The following LRRC49 variants were observed in gnomAD, a reference collection of about 807,000 sequenced individuals.
The protein encoded by LRRC49 is leucine-rich repeat-containing protein 49.
LRRC49 carries 50 observed loss-of-function variants against 83.3 expected under a neutral mutation model. The ratio of observed to expected loss-of-function variants is 0.60; its 90% confidence interval spans 0.48 to 0.76. LRRC49 has a LOEUF of 0.76. Ranked by LOEUF, LRRC49 falls within the 30% of genes least tolerant of loss-of-function variation. LRRC49 has a pLI of 0.00. For missense variants in LRRC49, 704 were observed against 809.1 expected, an observed-to-expected ratio of 0.87 and a Z score of 1.58; for synonymous variants, 286 against 283.3, an observed-to-expected ratio of 1.01 and a Z score of -0.10.
At chr15:70,984,879 G>A (rs2037544731) in intron 11 of LRRC49, among the ~76,000 whole-genome samples, 1 of 150,518 alleles carries the variant, frequency 6.6e-6, no homozygotes, top group Non-Finnish European at 1.5e-5. Flanking sequence ...AATACGCGGT[G>A]TTTGGTTTTC....
chr15:70,923,134 A>T (rs962761186), intron 7 of LRRC49, among the ~76,000 whole-genome samples: 2 of 151,738 alleles, frequency 1.3e-5, no homozygotes, highest in African/African-American at 4.8e-5. Flanking sequence ...TTTTACTGTG[A>T]TTTCTTTTTT....
At chr15:70,884,181 C>T (rs1042215001) in intron 2 of LRRC49, among the ~76,000 whole-genome samples, 4 of 152,042 alleles carry the variant, frequency 2.6e-5, no homozygotes, top group Admixed American at 2.6e-4. Flanking sequence ...CTTCAAACCA[C>T]TGAAAAAATA....
intron 8 of LRRC49, among the ~76,000 whole-genome samples, chr15:70,949,978 A>C (rs185369887): frequency 6.6e-6 from 1 of 152,108 alleles, no homozygotes; most frequent in East Asian, 1.9e-4. Context: ...CTCCCCCATC[A>C]AGTGGTCCCC....
chr15:70,976,605 A>C (rs1596088344), intron 9 of LRRC49, among the ~76,000 whole-genome samples: 1 of 152,182 alleles, frequency 6.6e-6, no homozygotes, highest in Non-Finnish European at 1.5e-5. Flanking sequence ...TGCATGGCTT[A>C]ATTGACTTGA....
At chr15:70,883,649 A>T (rs889018073) in intron 2 of LRRC49, among the ~76,000 whole-genome samples, 5 of 143,798 alleles carry the variant, frequency 3.5e-5, no homozygotes, top group African/African-American at 1.0e-4. Context: ...GTGAAATGGA[A>T]TTTTTTTTTT....
chr15:70,858,528 C>T (rs547528950), intron 1 of LRRC49, among the ~76,000 whole-genome samples: 3 of 152,312 alleles, frequency 2.0e-5, no homozygotes, highest in African/African-American at 4.8e-5. Flanking sequence ...CGCTTGAACC[C>T]GGGACGTGGA....
intron 14 of LRRC49, among the ~76,000 whole-genome samples, chr15:71,024,804 T>C (rs2039109270): frequency 6.6e-6 from 1 of 151,818 alleles, no homozygotes; most frequent in South Asian, 2.1e-4. Context: ...CCAAGAACCA[T>C]GCTAAAAGAT....
At chr15:70,965,634 A>T (rs993549579) in intron 9 of LRRC49, among the ~76,000 whole-genome samples, 5 of 152,018 alleles carry the variant, frequency 3.3e-5, no homozygotes, top group Admixed American at 3.3e-4. Flanking sequence ...CATTAATATC[A>T]TAGCAGTGAT....
intron 4 of LRRC49, among the ~76,000 whole-genome samples, chr15:70,904,053 G>A (rs2034197159): frequency 1.3e-5 from 2 of 152,042 alleles, no homozygotes; most frequent in South Asian, 2.1e-4. Flanking sequence ...GTGAACTCTA[G>A]ATGACTGAAT....
chr15:70,885,524 C>T (rs2033383431), intron 2 of LRRC49, among the ~76,000 whole-genome samples: 1 of 152,064 alleles, frequency 6.6e-6, no homozygotes, highest in African/African-American at 2.4e-5. Context: ...AACCATAGGA[C>T]AGAATAATGC....
In LRRC49 at chr15:71,037,216, A is replaced by G. The variant is rs899282968; in HGVS notation, c.1741A>G (p.Lys581Glu). ...TCGGTATCTACTAGAATCCAAAGGA[A>G]AAAAACCTGGTATTATCAACGAAGA... The part of the protein sequence containing the change: ...QFRYLLESKG[K>E]KPGIINEENN... Residue 581 changes from lysine (K) to glutamate (E), a missense_variant, in exon 15 of 16, where the codon AAA (lysine) becomes GAA (glutamate). This residue lies in a region of LRRC49 where 275 missense variants were observed against 338.0 expected (regional missense o/e 0.81). Coordinates refer to ENST00000260382, the MANE Select transcript of LRRC49 (RefSeq NM_017691.5). 1 of 1,610,580 alleles carries G rather than the reference A, an allele frequency of 6.2e-7. No homozygotes were observed. Among genetic ancestry groups the G allele is most frequent in the Non-Finnish European group, 8.5e-7 (1 of 1,178,348 alleles).
chr15:70,984,174 T>C lies in LRRC49; in HGVS notation c.1086T>C (p.Asn362=), dbSNP rs1363445643. ...AACGAGTAGCCAATATTGCTACAAA[T>C]GAAGATAGAAAAGATTCTGACTCTC... ...QQQRVANIAT[N]EDRKDSDSPQ... The change falls in exon 11 of 16, where the codon AAT becomes AAC. Residue 362 remains asparagine (N), a synonymous_variant. Coordinates refer to ENST00000260382, the MANE Select transcript of LRRC49 (RefSeq NM_017691.5). 3 of 1,613,358 alleles carry C rather than the reference T, an allele frequency of 1.9e-6. No homozygotes were observed. The highest frequency in any genetic ancestry group is 2.5e-6 in the Non-Finnish European group (3 of 1,179,544).
At chr15:70,908,788 G>A (rs1330967994) in intron 5 of LRRC49, 3 of 152,292 alleles carry the variant, frequency 2.0e-5, no homozygotes, top group Non-Finnish European at 4.4e-5. Context: ...TTATGAAGAT[G>A]TTTTTGGTTC....
chr15:70,937,817 GAA>G (rs1279520568), intron 8 of LRRC49, among the ~76,000 whole-genome samples: 6 of 151,958 alleles, frequency 3.9e-5, no homozygotes, highest in African/African-American at 1.2e-4. Flanking sequence ...TCTTCTGTGG[GAA>G]AAAATATTAA....
chr15:70,896,162 G>A (rs191113266), intron 3 of LRRC49, among the ~76,000 whole-genome samples: 1 of 152,062 alleles, frequency 6.6e-6, no homozygotes, highest in East Asian at 1.9e-4. Flanking sequence ...TTGAGGGTGG[G>A]CTATACACTA....
chr15:70,882,501 T>C, intron 2 of LRRC49: 4 of 1,613,800 alleles, frequency 2.5e-6, no homozygotes, highest in Non-Finnish European at 3.4e-6. Context: ...GACAAATCAC[T>C]CTGTTCACTC....
chr15:71,009,712 A>G (rs2038585259), intron 12 of LRRC49, 95 bp from the exon 13 acceptor site: 4 of 791,390 alleles, frequency 5.1e-6, no homozygotes, highest in Non-Finnish European at 7.9e-6. Flanking sequence ...AAGTTTACAT[A>G]TTTACCTGGG....
intron 11 of LRRC49, among the ~76,000 whole-genome samples, chr15:71,003,190 C>G (rs1367243135): frequency 6.6e-6 from 1 of 152,086 alleles, no homozygotes; most frequent in Non-Finnish European, 1.5e-5. Flanking sequence ...CCACCTCGGC[C>G]TCCCAGAGTG....
chr15:71,034,199 A>C (rs1271551794), intron 14 of LRRC49, among the ~76,000 whole-genome samples: 1 of 151,836 alleles, frequency 6.6e-6, no homozygotes, highest in East Asian at 1.9e-4. Context: ...AGAAAAAAAC[A>C]AACCCCATCA....
Sources: allele counts gnomAD v4.1 joint callset (sites outside exome capture counted in the v4.1 genomes callset), GRCh38; gene constraint gnomAD v4.1.1; regional missense constraint gnomAD v4.1.1; transcripts MANE v1.5; gene names NCBI Gene and HGNC (gene_info 2026-07-23, HGNC 2026-07-21).